FPR3: variants seen among roughly 807,000 people sequenced by gnomAD.
The protein encoded by FPR3 is N-formyl peptide receptor 3.
For missense variants in FPR3, 346 were observed against 443.2 expected (o/e 0.78, Z 1.97); for synonymous variants, 135 against 163.6 (o/e 0.83, Z 1.34).
chr19:51,813,160 A>AC (rs763343827), intron 1 of FPR3, among the ~76,000 whole-genome samples: 1 of 147,248 alleles, frequency 6.8e-6, no homozygotes, highest in Non-Finnish European at 1.5e-5. Flanking sequence ...ACACACACAC[A>AC]CCCCATAAAT....
intron 1 of FPR3, among the ~76,000 whole-genome samples, chr19:51,802,421 C>A (rs2122415565): frequency 6.6e-6 from 1 of 152,178 alleles, no homozygotes; most frequent in East Asian, 1.9e-4. Flanking sequence ...CTTTATCTAC[C>A]CTTGAGTCAT....
chr19:51,816,891 T>A (rs1368630456), intron 1 of FPR3, among the ~76,000 whole-genome samples: 1 of 152,234 alleles, frequency 6.6e-6, no homozygotes, highest in Non-Finnish European at 1.5e-5. Flanking sequence ...GAAGTATGTG[T>A]GTAAATAGAG....
chr19:51,800,977 G>A (rs941960366), intron 1 of FPR3, among the ~76,000 whole-genome samples: 2 of 152,138 alleles, frequency 1.3e-5, no homozygotes, highest in Admixed American at 6.6e-5. Context: ...CCAGAGAGAG[G>A]TGACTGTCCA....
chr19:51,796,434 G>A (rs546541821), intron 1 of FPR3, among the ~76,000 whole-genome samples: 19 of 152,308 alleles, frequency 1.2e-4, no homozygotes, highest in African/African-American at 3.4e-4. Context: ...AAGGTATTGC[G>A]AATAACATCA....
At chr19:51,807,566 A>G (rs1486842408) in intron 1 of FPR3, among the ~76,000 whole-genome samples, 3 of 152,206 alleles carry the variant, frequency 2.0e-5, no homozygotes. Context: ...GAAACCCCAG[A>G]GATCCTTATT....
intron 1 of FPR3, among the ~76,000 whole-genome samples, chr19:51,797,434 G>A (rs746054069): frequency 7.9e-5 from 12 of 152,084 alleles, no homozygotes; most frequent in East Asian, 7.7e-4. Flanking sequence ...GAGAGGGGGC[G>A]TGATTATGTG....
At chr19:51,820,900 G>A (rs1056432937) in intron 1 of FPR3, among the ~76,000 whole-genome samples, 5 of 152,190 alleles carry the variant, frequency 3.3e-5, no homozygotes, top group East Asian at 1.9e-4. Flanking sequence ...AGATTAACAC[G>A]TCTCATCTGC....
At chr19:51,817,738 T>G (rs1161584594) in intron 1 of FPR3, 1 of 152,206 alleles carries the variant, frequency 6.6e-6, no homozygotes, top group East Asian at 1.9e-4. Context: ...AACTTTACAC[T>G]AAATTAGTTG....
chr19:51,822,188 T>C (rs781284936), intron 1 of FPR3, among the ~76,000 whole-genome samples: 2 of 152,310 alleles, frequency 1.3e-5, no homozygotes, highest in Non-Finnish European at 1.5e-5. Flanking sequence ...TGATTCTGTT[T>C]CTTAAAAGCA....
chr19:51,823,510 T>C (rs1470670477), intron 1 of FPR3, among the ~76,000 whole-genome samples: 2 of 152,182 alleles, frequency 1.3e-5, no homozygotes, highest in African/African-American at 2.4e-5. Flanking sequence ...TTTAATCCTC[T>C]TGGTAATCAG....
chr19:51,813,162 C>G (rs553449251), intron 1 of FPR3, among the ~76,000 whole-genome samples: 1 of 135,052 alleles, frequency 7.4e-6, no homozygotes, highest in African/African-American at 2.8e-5. Context: ...ACACACACAC[C>G]CCATAAATTT....
chr19:51,800,218 C>T (rs1346270971), intron 1 of FPR3, among the ~76,000 whole-genome samples: 1 of 152,200 alleles, frequency 6.6e-6, no homozygotes, highest in Admixed American at 6.5e-5. Context: ...TTCCTTGGTG[C>T]TATCACTTCT....
At chr19:51,799,105 C>G (rs1244197889) in intron 1 of FPR3, among the ~76,000 whole-genome samples, 1 of 152,070 alleles carries the variant, frequency 6.6e-6, no homozygotes, top group Non-Finnish European at 1.5e-5. Context: ...AAAAGGGAAC[C>G]ATTCGGACAT....
intron 1 of FPR3, among the ~76,000 whole-genome samples, chr19:51,813,546 T>C (rs2084113056): frequency 6.6e-6 from 1 of 151,994 alleles, no homozygotes; most frequent in South Asian, 2.1e-4. Flanking sequence ...TTTCCTTTTT[T>C]TTGAGACAGA....
rs779350596 is a variant in FPR3, at chr19:51,802,341, C to G, written c.-11+7010C>G. 9.3e-4 allele frequency among the ~76,000 whole-genome samples: 142 copies of G among 152,264 alleles called. 1 individual carries two copies. The highest frequency in any genetic ancestry group is 1.2e-3 in the Non-Finnish European group (85 of 68,016). On this transcript the variant is annotated intron_variant, in intron 1 of 1. Coordinates refer to ENST00000339223, the MANE Select transcript of FPR3 (RefSeq NM_002030.5). ...TTCACCTCCTGCAGAGGTAGAGGTACAGGCAATGAGAGGAGGGGGTCAGGG... is the reference window on the plus strand; with the variant it reads ...TTCACCTCCTGCAGAGGTAGAGGTAGAGGCAATGAGAGGAGGGGGTCAGGG...
At chr19:51,815,807 A>G (rs1262726609) in intron 1 of FPR3, among the ~76,000 whole-genome samples, 4 of 151,660 alleles carry the variant, frequency 2.6e-5, no homozygotes, top group African/African-American at 9.7e-5. Context: ...GGTTACAGTG[A>G]GCAGCGATCA....
chr19:51,823,570 C>T (rs758160000), intron 1 of FPR3, among the ~76,000 whole-genome samples, 169 bp from the exon 2 acceptor site: 17 of 152,086 alleles, frequency 1.1e-4, no homozygotes, highest in Admixed American at 8.5e-4. Flanking sequence ...AGAGAACTAT[C>T]GTTTCCCAAA....
At chr19:51,804,246 C>T (rs1378728517) in intron 1 of FPR3, 8 of 151,124 alleles carry the variant, frequency 5.3e-5, no homozygotes, top group East Asian at 1.9e-4. Flanking sequence ...ACCACAGTCA[C>T]GAGTACAAGA....
intron 1 of FPR3, among the ~76,000 whole-genome samples, chr19:51,796,178 A>G (rs1282359319): frequency 1.3e-5 from 2 of 152,200 alleles, no homozygotes; most frequent in African/African-American, 2.4e-5. Context: ...ATTCAGGATG[A>G]GCCAGGTGCA....
Sources: allele counts gnomAD v4.1 joint callset (sites outside exome capture counted in the v4.1 genomes callset), GRCh38; gene constraint gnomAD v4.1.1; transcripts MANE v1.5; gene names NCBI Gene and HGNC (gene_info 2026-07-23, HGNC 2026-07-21).